Variants in GCNT2 observed in about 807,000 individuals in gnomAD.
GCNT2 encodes the protein glucosaminyl (N-acetyl) transferase 2 (I blood group).
GCNT2 carries 34 observed loss-of-function variants against 34.2 expected under a neutral mutation model. That is an observed-to-expected ratio of 1.00 (90% CI 0.76 to 1.32). The LOEUF (loss-of-function observed/expected upper bound fraction) is 1.32. Ranked by LOEUF, GCNT2 falls within the 40% of genes most tolerant of loss-of-function variation. GCNT2 has a pLI of 0.00. For synonymous variants in GCNT2, 212 were observed against 188.0 expected (o/e 1.13, Z -1.04); for missense variants, 584 against 489.4 (o/e 1.19, Z -1.82).
intron 3 of GCNT2, among the ~76,000 whole-genome samples, chr6:10,535,071 C>T (rs1330898323): frequency 6.6e-6 from 1 of 152,098 alleles, no homozygotes; most frequent in East Asian, 1.9e-4. Flanking sequence ...GTAACCCCAG[C>T]TACTCAGGAG....
At chr6:10,581,726 G>T in intron 3 of GCNT2, 1 of 984,330 alleles carries the variant, frequency 1.0e-6, no homozygotes, top group South Asian at 4.7e-5. Context: ...AAGGCTTGAG[G>T]CAAAGAGAAG....
intron 3 of GCNT2, among the ~76,000 whole-genome samples, chr6:10,596,373 T>C (rs6456563): frequency 6.6e-6 from 1 of 151,558 alleles, no homozygotes; most frequent in South Asian, 2.1e-4. Context: ...ATACAAAAAG[T>C]AGCCAGGCGT....
chr6:10,557,244 T>G, intron 3 of GCNT2: 2 of 1,600,006 alleles, frequency 1.3e-6, no homozygotes, highest in South Asian at 2.3e-5. Flanking sequence ...TTTGCCAACT[T>G]TGTTCTGCAT....
intron 3 of GCNT2, among the ~76,000 whole-genome samples, chr6:10,541,675 A>T (rs2113589542): frequency 6.6e-6 from 1 of 152,190 alleles, no homozygotes; most frequent in East Asian, 1.9e-4. Flanking sequence ...ATTTGGCTTC[A>T]ACTTGAATTC....
At chr6:10,537,645 G>C (rs969898485) in intron 3 of GCNT2, among the ~76,000 whole-genome samples, 1 of 139,042 alleles carries the variant, frequency 7.2e-6, no homozygotes, top group Non-Finnish European at 1.5e-5. Context: ...AGGTTGCAGT[G>C]AGCCGAGATT....
chr6:10,532,096 GAGCAA>G (rs1761520476), intron 3 of GCNT2, among the ~76,000 whole-genome samples: 1 of 152,112 alleles, frequency 6.6e-6, no homozygotes, highest in Non-Finnish European at 1.5e-5. Context: ...CCTCAATGGT[GAGCAA>G]AGCCAAGGGA....
intron 3 of GCNT2, chr6:10,573,250 CAG>C (rs773739112): frequency 1.6e-5 from 16 of 984,804 alleles, no homozygotes; most frequent in Non-Finnish European, 1.8e-5. Flanking sequence ...CATTCGGAAT[CAG>C]AGAAAAGTTG....
chr6:10,544,445 A>G (rs1345303748), intron 3 of GCNT2, among the ~76,000 whole-genome samples: 4 of 150,660 alleles, frequency 2.7e-5, no homozygotes, highest in Non-Finnish European at 5.9e-5. Flanking sequence ...TCTACTAAAA[A>G]CGCAAAAAAA....
intron 3 of GCNT2, among the ~76,000 whole-genome samples, chr6:10,596,257 C>T (rs1272549953): frequency 6.6e-6 from 1 of 152,156 alleles, no homozygotes; most frequent in African/African-American, 2.4e-5. Flanking sequence ...GGTGCAGTGA[C>T]TCACACCTGT....
At chr6:10,532,482 T>C (rs1761542489) in intron 3 of GCNT2, among the ~76,000 whole-genome samples, 1 of 151,916 alleles carries the variant, frequency 6.6e-6, no homozygotes, top group Non-Finnish European at 1.5e-5. Context: ...CAGGCTGGAG[T>C]GCAGTGGCAC....
In GCNT2 at chr6:10,556,166, A is replaced by C; in HGVS notation, c.925+26330A>C. ...AAACGGGGAGGCAGAGGGAGGAGGG[A>C]AGGCTGGGCTTCAGCAACCTGCCAC... On this transcript the variant is annotated intron_variant, in intron 3 of 4. Coordinates refer to ENST00000495262, the MANE Select transcript of GCNT2 (RefSeq NM_145649.5). 6 of 1,364,476 alleles carry C rather than the reference A, an allele frequency of 4.4e-6. No individual in the cohort carries two copies. The South Asian group carries it at 9.6e-5, about 22-fold the overall frequency. 84.5% of individuals were successfully genotyped at this position (1,364,476 alleles called of 1,614,324 possible).
chr6:10,525,971 G>C (rs1761161903), intron 1 of GCNT2, among the ~76,000 whole-genome samples: 1 of 152,114 alleles, frequency 6.6e-6, no homozygotes, highest in Non-Finnish European at 1.5e-5. Flanking sequence ...AGAAAATATG[G>C]TAAAAATTAC....
intron 3 of GCNT2, among the ~76,000 whole-genome samples, chr6:10,569,235 C>CCACACACCCACACACA (rs1554131676): frequency 2.1e-5 from 1 of 47,464 alleles, no homozygotes; most frequent in African/African-American, 5.6e-5. Flanking sequence ...ACTCCCCCCG[C>CCACACACCCACACACA]CACACACACA....
intron 1 of GCNT2, among the ~76,000 whole-genome samples, chr6:10,523,866 G>A (rs1476542063): frequency 2.0e-5 from 3 of 151,670 alleles, no homozygotes; most frequent in South Asian, 2.1e-4. Flanking sequence ...CCAGCTACTC[G>A]GGAGGCTGAG....
chr6:10,529,531 T>C lies in GCNT2; in HGVS notation c.620T>C (p.Leu207Pro), dbSNP rs892103872. ...ACCAACAGGGAAATAGTTCAGTATCTGAAGGGATTTAAAGGGAAAAATATC... is the reference window on the plus strand; with the variant it reads ...ACCAACAGGGAAATAGTTCAGTATCCGAAGGGATTTAAAGGGAAAAATATC... The part of the protein sequence containing the change: ...LKTNREIVQY[L>P]KGFKGKNITP... Residue 207 changes from leucine (L) to proline (P), a missense_variant, in exon 3 of 5, where the codon CTG becomes CCG. By Grantham distance (98) the Leu-to-Pro change is moderately conservative. Transcript: ENST00000495262. 9 of 1,613,956 alleles carry C rather than the reference T, an allele frequency of 5.6e-6. No homozygotes were observed. In the African/African-American group the frequency reaches 9.3e-5, roughly 17 times the overall value.
rs79819592 is a variant in GCNT2 at position 10,538,480 on chromosome 6, A to G, written c.925+8644A>G. The stretch of plus-strand genomic sequence containing the variant: ...TATGTTGAACTCTCATAAGTCAGGG[A>G]CCGTCTGTATTCTTTCCTGAATTTA... On this transcript the variant is annotated intron_variant, in intron 3 of 4. Transcript: ENST00000495262. 8.2e-3 allele frequency among the ~76,000 whole-genome samples: 1,152 copies of G among 141,334 alleles called. 20 individuals carry two copies. Among genetic ancestry groups the G allele is most frequent in the African/African-American group, 0.029 (1,080 of 37,374 alleles). The allele number at this position is 141,334 out of a possible 152,430, so 92.7% of individuals were successfully genotyped here. A position where few individuals can be genotyped will look rare whatever the true frequency, so the allele number is the denominator to read the frequency against.
chr6:10,535,582 C>G (rs1302510711), intron 3 of GCNT2, among the ~76,000 whole-genome samples: 2 of 152,210 alleles, frequency 1.3e-5, no homozygotes, highest in Non-Finnish European at 2.9e-5. Context: ...TAGGGACATT[C>G]AGTGAGTTTA....
At chr6:10,569,594 G>A (rs909485649) in intron 3 of GCNT2, among the ~76,000 whole-genome samples, 17 of 152,216 alleles carry the variant, frequency 1.1e-4, no homozygotes, top group African/African-American at 4.1e-4. Flanking sequence ...TGCTTATTTT[G>A]GGAATGCTTC....
At chr6:10,568,322 T>C (rs1333978410) in intron 3 of GCNT2, among the ~76,000 whole-genome samples, 2 of 152,144 alleles carry the variant, frequency 1.3e-5, no homozygotes, top group Admixed American at 1.3e-4. Context: ...ATGGCCATCC[T>C]TCAAGTCAGC....
Sources: gnomAD v4.1 joint callset for allele counts (sites outside exome capture counted in the v4.1 genomes callset) on GRCh38, gnomAD v4.1.1 for gene constraint, MANE v1.5 for transcripts, NCBI Gene and HGNC (gene_info 2026-07-23, HGNC 2026-07-21) for gene names.